The following ALG13 variants were observed in gnomAD, a reference collection of about 807,000 sequenced individuals.
ALG13 encodes ALG13 UDP-N-acetylglucosaminyltransferase subunit.
Under a neutral mutation model 87.8 loss-of-function variants are expected in ALG13, and 11 were observed. The ratio of observed to expected loss-of-function variants is 0.13; its 90% confidence interval spans 0.08 to 0.21. ALG13 has a LOEUF of 0.21. Among genes scored for constraint, ALG13 ranks in the 10% least tolerant of loss-of-function variants. The pLI is 1.00. For missense variants in ALG13, 756 were observed against 866.1 expected (o/e 0.87, Z 1.60); for synonymous variants, 320 against 306.3 (o/e 1.04, Z -0.47).
intron 8 of ALG13, among the ~76,000 whole-genome samples, chrX:111,717,385 C>T (rs761603108): frequency 1.8e-5 from 2 of 110,974 alleles, no homozygotes; most frequent in African/African-American, 6.5e-5. Flanking sequence ...GGATAACTTT[C>T]GAAATAATTG....
chrX:111,713,222 T>C lies in ALG13; in HGVS notation c.933-3T>C. 8.5e-7 allele frequency: 1 copy of C among 1,178,197 alleles called. No homozygotes were observed. Among genetic ancestry groups the C allele is most frequent in the Non-Finnish European group, 1.2e-6 (1 of 868,988 alleles). On this transcript the variant is annotated splice_region_variant and splice_polypyrimidine_tract_variant and intron_variant, in intron 7 of 26. Transcript: ENST00000394780. ...CCCACTTACCTTTGTTTTCCCCATA[T>C]AGTCGGGATTTCATTCTTTATCGCT... is the stretch of plus-strand genomic sequence containing the variant.
intron 24 of ALG13, among the ~76,000 whole-genome samples, chrX:111,752,453 T>A (rs1245884925): frequency 5.4e-5 from 6 of 110,491 alleles, no homozygotes; most frequent in African/African-American, 2.0e-4. Flanking sequence ...TCTCGCTCTG[T>A]CACCCAGGCT....
At position 111,684,252 on chromosome X, in the gene ALG13, C is replaced by G. The variant is rs979310141; in HGVS notation, c.245-713C>G. On this transcript the variant is annotated intron_variant, in intron 2 of 26. Transcript: ENST00000394780. ...CTGAGCATGTTTAAGGTAGGCTAGG[C>G]TAAGCTGTGATGTGTGGTGGGTTAG... Among the ~76,000 whole-genome samples the G allele has an allele frequency of 5.4e-5, 6 of 111,508 alleles. No homozygotes were observed. The Admixed American group carries it at 5.7e-4, about 11-fold the overall frequency.
At chrX:111,717,737 T>C in intron 8 of ALG13, 109 bp from the exon 9 acceptor site, 2 of 482,376 alleles carry the variant, frequency 4.1e-6, no homozygotes, top group South Asian at 9.0e-5. Context: ...AAAATTCAGT[T>C]AGTTATCAGT....
rs757875463 is a variant in ALG13 at position 111,757,652 on chromosome X, T to C, written c.3038T>C (p.Val1013Ala). The change falls in exon 26 of 27, where the codon GTA becomes GCA. Residue 1013 changes from valine (V) to alanine (A), a missense_variant. Transcript: ENST00000394780. Reference sequence around the variant, plus strand: ...CCACAGATGCAGCAGCAGCTTCATGTAGAGAATTATCCAGTCTATACTGAG... The same window carrying C: ...CCACAGATGCAGCAGCAGCTTCATGCAGAGAATTATCCAGTCTATACTGAG... ...YVPQMQQQLH[V>A]ENYPVYTEPP... The C allele has an allele frequency of 1.7e-6, 2 of 1,209,239 alleles. No individual in the cohort carries two copies. Among genetic ancestry groups the C allele is most frequent in the Admixed American group, 2.2e-5 (1 of 45,790 alleles).
At chrX:111,705,343 CTTT>C (rs1938543491) in intron 3 of ALG13, among the ~76,000 whole-genome samples, 1 of 111,313 alleles carries the variant, frequency 9.0e-6, no homozygotes, top group African/African-American at 3.3e-5. Context: ...TTATTGTTGA[CTTT>C]TCAGAGTTCT....
Position 111,736,796 on chromosome X carries a change from A to T in ALG13, c.2612A>T (p.Asn871Ile). 1 of 1,208,809 alleles carries T rather than the reference A, an allele frequency of 8.3e-7. No individual in the cohort carries two copies. Among genetic ancestry groups the T allele is most frequent in the Middle Eastern group, 2.3e-4 (1 of 4,351 alleles). Residue 871 changes from asparagine (N) to isoleucine (I), a missense_variant, in exon 23 of 27, where the codon AAT becomes ATT. By Grantham distance (149) the Asn-to-Ile change is moderately radical. This residue lies in a region of ALG13 where 362 missense variants were observed against 383.5 expected (regional missense o/e 0.94). Transcript: ENST00000394780. ...GTCTTATCTAACGGTGCAGCGGCTA[A>T]TCAAGCTATTAGTACCACTTCAGTT... ...APVLSNGAAA[N>I]QAISTTSVSS... is the part of the protein sequence containing the mutation.
chrX:111,692,578 T>C (rs749676244), intron 3 of ALG13, among the ~76,000 whole-genome samples: 1 of 111,550 alleles, frequency 9.0e-6, no homozygotes, highest in South Asian at 3.8e-4. Flanking sequence ...ACCATCATAT[T>C]GTATGGTAAG....
chrX:111,755,453 A>G (rs1480939809), intron 25 of ALG13, among the ~76,000 whole-genome samples: 2 of 112,422 alleles, frequency 1.8e-5, no homozygotes, highest in Non-Finnish European at 3.8e-5. Context: ...ATTAAACTAA[A>G]GAGCTTCTGC....
chrX:111,726,683 C>G, intron 15 of ALG13, 126 bp from the exon 16 acceptor site: 1 of 767,442 alleles, frequency 1.3e-6, no homozygotes, highest in Non-Finnish European at 1.9e-6. Context: ...AATTCCCTCC[C>G]TATGTTTATT....
intron 1 of ALG13, chrX:111,681,883 A>G: frequency 1.1e-6 from 1 of 909,626 alleles, no homozygotes; most frequent in African/African-American, 2.1e-5. Flanking sequence ...CCTTTTCCAA[A>G]GTCTTTTCCT....
rs777184147 is a variant in ALG13 at position 111,684,994 on chromosome X, A to G, written c.274A>G (p.Lys92Glu). The change falls in exon 3 of 27, where the codon AAA (lysine) becomes GAA (glutamate). Residue 92 changes from lysine (K) to glutamate (E), a missense_variant. By Grantham distance (56) the Lys-to-Glu change is moderately conservative (BLOSUM62 1). Around this residue, in one of 9 missense-constraint regions of ALG13, gnomAD observed 153 missense variants for 168.7 expected, o/e 0.91. Transcript: ENST00000394780. ...AGGAAGCTGTTTGGAGACTCTGGAA[A>G]AAGGAAAGCCACTCGTAGTGGTTAT... ...GAGSCLETLE[K>E]GKPLVVVINE... The G allele has an allele frequency of 9.9e-6, 12 of 1,209,832 alleles. No homozygotes were observed. Among genetic ancestry groups the G allele is most frequent in the South Asian group, 3.5e-5 (2 of 56,564 alleles).
intron 2 of ALG13, among the ~76,000 whole-genome samples, chrX:111,684,717 C>T (rs1161074754): frequency 1.8e-5 from 2 of 112,011 alleles, no homozygotes; most frequent in African/African-American, 6.5e-5. Context: ...AGTAGCATAG[C>T]ACTGAATCAT....
At chrX:111,755,985 T>A (rs1434636063) in intron 25 of ALG13, among the ~76,000 whole-genome samples, 1 of 112,390 alleles carries the variant, frequency 8.9e-6, no homozygotes, top group Non-Finnish European at 1.9e-5. Context: ...TGCAGCACTA[T>A]TCACAATGCC....
At chrX:111,689,968 A>C (rs1602532276) in intron 3 of ALG13, 1 of 751,488 alleles carries the variant, frequency 1.3e-6, no homozygotes, top group East Asian at 1.5e-4. Context: ...GTGATTTCTG[A>C]GTTTTTGGAA....
At chrX:111,742,846 T>A (rs1943879883) in intron 23 of ALG13, among the ~76,000 whole-genome samples, 1 of 112,510 alleles carries the variant, frequency 8.9e-6, no homozygotes. Flanking sequence ...GAAATCAGCA[T>A]TCTGAATGCA....
chrX:111,713,177 C>T (rs531976915), intron 7 of ALG13, 48 bp from the exon 8 acceptor site: 8 of 857,585 alleles, frequency 9.3e-6, no homozygotes, highest in Admixed American at 5.1e-5. Flanking sequence ...CTATCTCTTA[C>T]GTATGCCAAA....
At chrX:111,750,647 G>GTTTA (rs201090119) in intron 24 of ALG13, among the ~76,000 whole-genome samples, 1 of 108,837 alleles carries the variant, frequency 9.2e-6, no homozygotes, top group African/African-American at 3.4e-5. Context: ...TTGTTTGTTT[G>GTTTA]TTTATTTACT....
chrX:111,751,378 G>A (rs1045160877), intron 24 of ALG13, among the ~76,000 whole-genome samples: 5 of 111,866 alleles, frequency 4.5e-5, no homozygotes, highest in African/African-American at 9.7e-5. Context: ...TAAGCATAAC[G>A]CCCAGTACAT....
Sources: gnomAD v4.1 joint callset for allele counts (sites outside exome capture counted in the v4.1 genomes callset) on GRCh38, gnomAD v4.1.1 for gene constraint, gnomAD v4.1.1 regional missense constraint, MANE v1.5 for transcripts, NCBI Gene and HGNC (gene_info 2026-07-23, HGNC 2026-07-21) for gene names.